The following TRAPPC9 variants were observed in gnomAD, a reference collection of about 807,000 sequenced individuals.
TRAPPC9 encodes trafficking protein particle complex subunit 9.
A neutral mutation model predicts 124.0 loss-of-function variants in TRAPPC9; 83 were observed. The ratio of observed to expected loss-of-function variants is 0.67; its 90% confidence interval spans 0.56 to 0.80. TRAPPC9 has a LOEUF of 0.80. TRAPPC9 is among the 30% of genes least tolerant of loss of function. The probability of loss-of-function intolerance (pLI) is 0.00; values close to 1 mark genes in which losing one functional copy is unlikely to be tolerated. For missense variants in TRAPPC9, 1,302 were observed against 1,508.3 expected (o/e 0.86, Z 2.27); for synonymous variants, 638 against 617.5 (o/e 1.03, Z -0.49).
chr8:140,314,647 T>C (rs1466183209), intron 9 of TRAPPC9, among the ~76,000 whole-genome samples: 1 of 152,190 alleles, frequency 6.6e-6, no homozygotes, highest in Non-Finnish European at 1.5e-5. Context: ...GCTAATTCCA[T>C]GAGACAAACG....
chr8:139,733,774 G>A (rs1417349356), intron 21 of TRAPPC9, among the ~76,000 whole-genome samples: 1 of 152,226 alleles, frequency 6.6e-6, no homozygotes, highest in African/African-American at 2.4e-5. Flanking sequence ...CCCTGCAGCG[G>A]AGGATCCTGG....
chr8:140,306,451 C>T (rs542962855), intron 10 of TRAPPC9, among the ~76,000 whole-genome samples: 2 of 150,108 alleles, frequency 1.3e-5, no homozygotes, highest in South Asian at 4.2e-4. Flanking sequence ...CTAGACTGCG[C>T]CACTGCACTC....
rs1382204581 is a variant in TRAPPC9 at position 139,728,732 on chromosome 8, A to G, written c.*2329T>C. On this transcript the variant is annotated 3_prime_UTR_variant, in exon 23 of 23. Transcript: ENST00000438773. ...CCTGGGGCTGGCAGAGCCAGGCTGT[A>G]TTTGGGTCATTTTCCAGGAGGCCTG... Among the ~76,000 whole-genome samples, 1 of 152,104 alleles carries G rather than the reference A, an allele frequency of 6.6e-6. No individual in the cohort carries two copies. The highest frequency in any genetic ancestry group is 2.1e-4 in the South Asian group (1 of 4,832).
chr8:140,174,353 C>T (rs1204649259), intron 17 of TRAPPC9, among the ~76,000 whole-genome samples: 1 of 151,500 alleles, frequency 6.6e-6, no homozygotes, highest in Non-Finnish European at 1.5e-5. Context: ...CAAACCTGCA[C>T]ATCCTGCACA....
chr8:139,857,699 G>A (rs11786354), intron 21 of TRAPPC9, among the ~76,000 whole-genome samples: 60,928 of 152,080 alleles, frequency 0.4, 13,060 homozygotes, highest in East Asian at 0.73. Context: ...TGGGCGGCCC[G>A]CTGCTTGTAA....
intron 17 of TRAPPC9, among the ~76,000 whole-genome samples, chr8:140,115,852 G>C (rs1416015774): frequency 6.6e-6 from 1 of 152,216 alleles, no homozygotes; most frequent in Non-Finnish European, 1.5e-5. Context: ...CCAAGGGCCA[G>C]TAATAGTCAC....
At chr8:139,976,637 C>T (rs928784718) in intron 19 of TRAPPC9, among the ~76,000 whole-genome samples, 3 of 152,184 alleles carry the variant, frequency 2.0e-5, no homozygotes, top group East Asian at 3.9e-4. Context: ...GCGCACGGCT[C>T]GTGAGGAGCT....
chr8:140,446,681 G>A (rs1410848901), intron 2 of TRAPPC9, among the ~76,000 whole-genome samples: 1 of 152,132 alleles, frequency 6.6e-6, no homozygotes, highest in East Asian at 1.9e-4. Flanking sequence ...AGCCTCTCAA[G>A]TAAGCTGGGA....
intron 8 of TRAPPC9, among the ~76,000 whole-genome samples, chr8:140,365,324 G>A (rs779470620): frequency 9.9e-5 from 15 of 152,282 alleles, no homozygotes; most frequent in Middle Eastern, 3.4e-3. Context: ...CCCACCAGCT[G>A]TGCAACCTCA....
intron 5 of TRAPPC9, 62 bp from the exon 6 acceptor site, chr8:140,405,760 A>G: frequency 6.2e-7 from 1 of 1,600,834 alleles, no homozygotes; most frequent in Non-Finnish European, 8.5e-7. Context: ...TTCTTTGTTA[A>G]AGAGGAGCAT....
At chr8:140,184,472 G>A (rs1435594987) in intron 17 of TRAPPC9, among the ~76,000 whole-genome samples, 1 of 151,952 alleles carries the variant, frequency 6.6e-6, no homozygotes, top group Non-Finnish European at 1.5e-5. Flanking sequence ...ATCTCACTCT[G>A]TTGCCCAGGC....
intron 17 of TRAPPC9, among the ~76,000 whole-genome samples, chr8:140,114,712 G>C (rs966862401): frequency 6.6e-6 from 1 of 152,180 alleles, no homozygotes; most frequent in South Asian, 2.1e-4. Flanking sequence ...TATGTGGCAC[G>C]TGAGGAGGAA....
At chr8:140,205,850 G>A (rs912021106) in intron 17 of TRAPPC9, among the ~76,000 whole-genome samples, 2 of 152,198 alleles carry the variant, frequency 1.3e-5, no homozygotes, top group African/African-American at 4.8e-5. Context: ...TCACTCTCCA[G>A]ATGCTGATTC....
At chr8:139,762,101 C>T (rs544379904) in intron 21 of TRAPPC9, among the ~76,000 whole-genome samples, 13 of 151,792 alleles carry the variant, frequency 8.6e-5, no homozygotes, top group Admixed American at 6.6e-5. Context: ...AGCCACCCAG[C>T]CCTGCAGCCC....
At chr8:140,425,905 C>A (rs1427758794) in intron 5 of TRAPPC9, among the ~76,000 whole-genome samples, 1 of 152,154 alleles carries the variant, frequency 6.6e-6, no homozygotes, top group Non-Finnish European at 1.5e-5. Flanking sequence ...AAGGAGTGAA[C>A]GCAAATGTTA....
At chr8:139,743,736 G>A (rs1422273916) in intron 21 of TRAPPC9, among the ~76,000 whole-genome samples, 2 of 152,178 alleles carry the variant, frequency 1.3e-5, no homozygotes, top group Non-Finnish European at 2.9e-5. Flanking sequence ...CGGGCCAGCT[G>A]TCCTGTGGGG....
At position 140,068,178 on chromosome 8, in the gene TRAPPC9, C is replaced by G. The variant is rs779999287; in HGVS notation, c.2557-44099G>C. On this transcript the variant is annotated intron_variant, in intron 17 of 22. Coordinates refer to ENST00000438773, the MANE Select transcript of TRAPPC9 (RefSeq NM_001160372.4). ...CTCACGGCCCCAGTGCTATGCGTGC[C>G]ACCCAGTAATAGAGCAGAGCTGCCT... 1.7e-4 allele frequency among the ~76,000 whole-genome samples: 26 copies of G among 152,072 alleles called. 1 individual carries two copies. The highest frequency in any genetic ancestry group is 3.8e-4 in the Non-Finnish European group (26 of 68,010).
At position 140,216,578 on chromosome 8, in the gene TRAPPC9, C is replaced by G. The variant is rs971675790; in HGVS notation, c.2556+4881G>C. Reference sequence around the variant, plus strand: ...AAGCAAAGGAAGGAACCAACAAACTCCGCGTGCCTCTGAAACCCTTGGCAG... The same window carrying G: ...AAGCAAAGGAAGGAACCAACAAACTGCGCGTGCCTCTGAAACCCTTGGCAG... On this transcript the variant is annotated intron_variant, in intron 17 of 22. Transcript: ENST00000438773. The surrounding 1 kb of genome is among the most constrained non-coding windows in gnomAD (Gnocchi z 4.1). Among the ~76,000 whole-genome samples the G allele has an allele frequency of 6.6e-6, 1 of 152,208 alleles. No homozygotes were observed. Among genetic ancestry groups the G allele is most frequent in the African/African-American group, 2.4e-5 (1 of 41,452 alleles).
intron 21 of TRAPPC9, among the ~76,000 whole-genome samples, chr8:139,809,738 A>C (rs79685990): frequency 0.021 from 3,140 of 152,108 alleles, 110 homozygotes; most frequent in African/African-American, 0.072. Flanking sequence ...ATCCTCTCCC[A>C]GCCACAAGAG....
Sources: gnomAD v4.1 joint callset for allele counts (sites outside exome capture counted in the v4.1 genomes callset) on GRCh38, gnomAD v4.1.1 for gene constraint, Gnocchi (gnomAD v3.1) non-coding constraint, MANE v1.5 for transcripts, NCBI Gene and HGNC (gene_info 2026-07-23, HGNC 2026-07-21) for gene names.